Variants in SHROOM3 observed in about 807,000 individuals in gnomAD.
SHROOM3 encodes protein Shroom3.
In SHROOM3, 47 loss-of-function variants were observed where a neutral mutation model predicts 138.6. The observed-to-expected ratio is 0.34, with a 90% confidence interval of 0.27 to 0.43. SHROOM3 has a LOEUF of 0.43. Ranked by LOEUF, SHROOM3 falls within the 20% of genes least tolerant of loss-of-function variation. SHROOM3 has a pLI of 1.00. For missense variants in SHROOM3, 2,491 were observed against 2,596.5 expected (o/e 0.96, Z 0.88); for synonymous variants, 1,062 against 1,063.3 (o/e 1.00, Z 0.02).
chr4:76,544,864 G>A (rs745329660), intron 1 of SHROOM3, among the ~76,000 whole-genome samples: 2 of 152,142 alleles, frequency 1.3e-5, no homozygotes, highest in Admixed American at 6.5e-5. Flanking sequence ...CTGTTAGAGC[G>A]GGGCCTTCTT....
At chr4:76,523,284 C>T (rs539520797) in intron 1 of SHROOM3, among the ~76,000 whole-genome samples, 7 of 152,234 alleles carry the variant, frequency 4.6e-5, no homozygotes, top group Admixed American at 2.0e-4. Context: ...AAGGCCCATC[C>T]GAGTTCTATG....
chr4:76,564,053 C>T (rs1733649955), intron 2 of SHROOM3, among the ~76,000 whole-genome samples: 2 of 152,156 alleles, frequency 1.3e-5, no homozygotes, highest in South Asian at 4.1e-4. Flanking sequence ...TGAAATGTTA[C>T]CTCTCACCTC....
chr4:76,553,697 C>G (rs1284247994), intron 1 of SHROOM3, among the ~76,000 whole-genome samples: 1 of 151,940 alleles, frequency 6.6e-6, no homozygotes, highest in Middle Eastern at 3.2e-3. Flanking sequence ...CACCACATTG[C>G]GCAGGGTGGT....
chr4:76,539,642 T>C (rs1294376309), intron 1 of SHROOM3, among the ~76,000 whole-genome samples: 4 of 152,220 alleles, frequency 2.6e-5, no homozygotes, highest in African/African-American at 7.2e-5. Context: ...ATAGGTATTA[T>C]TAACTTTATC....
intron 1 of SHROOM3, among the ~76,000 whole-genome samples, chr4:76,552,203 A>G (rs900417607): frequency 6.0e-5 from 9 of 150,134 alleles, no homozygotes; most frequent in Non-Finnish European, 1.2e-4. Context: ...GCTATTTTAT[A>G]TATATTAAAA....
intron 3 of SHROOM3, among the ~76,000 whole-genome samples, chr4:76,724,879 A>G (rs537496564): frequency 3.9e-5 from 6 of 152,322 alleles, no homozygotes; most frequent in Admixed American, 1.3e-4. Context: ...TATTTTAAAA[A>G]TCATTTGCTA....
rs199937533 is a variant in SHROOM3 at position 76,779,137 on chromosome 4, C to T, written c.5951C>T (p.Thr1984Ile). Residue 1984 changes from threonine to isoleucine, a missense_variant, in exon 11 of 11, where the codon ACT (threonine) becomes ATT (isoleucine). Physicochemically the swap from Thr to Ile is moderately conservative, Grantham distance 89 (BLOSUM62 -1). Transcript: ENST00000296043. ...GAGCCCATTCCTGCTGGGGGCTGTA[C>T]TTTCAGTGGTATTTTCCCAACATTA... ...TSEPIPAGGC[T>I]FSGIFPTLTS... is the part of the protein sequence containing the mutation. The T allele has an allele frequency of 2.4e-5, 39 of 1,613,632 alleles. No individual in the cohort carries two copies. The highest frequency in any genetic ancestry group is 3.1e-5 in the Non-Finnish European group (36 of 1,179,746).
intron 1 of SHROOM3, among the ~76,000 whole-genome samples, chr4:76,456,035 T>C (rs1160704841): frequency 1.3e-5 from 2 of 152,090 alleles, no homozygotes; most frequent in Non-Finnish European, 2.9e-5. Context: ...TGAGACAGAG[T>C]CTCACTCTGT....
rs1722682742 is a variant in SHROOM3 at position 76,779,682 on chromosome 4, A to G, written c.*505A>G. ...ATTTTTTAAAATGGAAAAGATCACT[A>G]TGTTTGTTGTGCTAACCACTTATTT... is the stretch of plus-strand genomic sequence containing the variant. On this transcript the variant is annotated 3_prime_UTR_variant, in exon 11 of 11. Coordinates refer to ENST00000296043, the MANE Select transcript of SHROOM3 (RefSeq NM_020859.4). 1 of 155,634 alleles carries G rather than the reference A, an allele frequency of 6.4e-6. No homozygotes were observed. Among genetic ancestry groups the G allele is most frequent in the African/African-American group, 2.4e-5 (1 of 41,464 alleles). The allele number at this position is 155,634 out of a possible 1,614,324, so 9.6% of individuals were successfully genotyped here. A position where few individuals can be genotyped will look rare whatever the true frequency, so the allele number is the denominator to read the frequency against.
intron 1 of SHROOM3, among the ~76,000 whole-genome samples, chr4:76,526,601 G>T (rs1732695184): frequency 6.6e-6 from 1 of 152,108 alleles, no homozygotes; most frequent in South Asian, 2.1e-4. Context: ...GGAAGTCTTG[G>T]GTACACTGTA....
rs17001979 is a variant in SHROOM3 at position 76,449,754 on chromosome 4, G to T, written c.168+13534G>T. 7.3e-3 allele frequency among the ~76,000 whole-genome samples: 1,111 copies of T among 152,262 alleles called. 10 individuals are homozygous for T. Among genetic ancestry groups the T allele is most frequent in the African/African-American group, 0.025 (1,053 of 41,552 alleles). ...ATATAATTCATGTTGTCAGTTATATGAAATTGGCAGTTAAAGAGAAACTAA... is the reference window on the plus strand; with the variant it reads ...ATATAATTCATGTTGTCAGTTATATTAAATTGGCAGTTAAAGAGAAACTAA... On this transcript the variant is annotated intron_variant, in intron 1 of 10. Coordinates refer to ENST00000296043, the MANE Select transcript of SHROOM3 (RefSeq NM_020859.4).
At chr4:76,526,708 G>A (rs956615018) in intron 1 of SHROOM3, among the ~76,000 whole-genome samples, 1 of 152,182 alleles carries the variant, frequency 6.6e-6, no homozygotes, top group African/African-American at 2.4e-5. Context: ...ACTTTGATAA[G>A]TGTCCTGTCC....
rs763056975 is a variant in SHROOM3 at position 76,749,042 on chromosome 4, G to T, written c.3779G>T (p.Gly1260Val). Residue 1260 changes from glycine (G) to valine (V), a missense_variant, in exon 6 of 11, where the codon GGC becomes GTC. Around this residue, in one of 4 missense-constraint regions of SHROOM3, gnomAD observed 1,733 missense variants for 1,661.6 expected, o/e 1.04. Coordinates refer to ENST00000296043, the MANE Select transcript of SHROOM3 (RefSeq NM_020859.4). Reference protein sequence around the residue: ...RQDVLLGQDSGFGLVKDPCYL... With the variant: ...RQDVLLGQDSVFGLVKDPCYL... ...GATGTGCTTTTGGGGCAAGACAGTG[G>T]CTTTGGTCTTGTGAAGGATCCATGT... The T allele has an allele frequency of 5.6e-6, 9 of 1,613,862 alleles. No homozygotes were observed. The highest frequency in any genetic ancestry group is 1.6e-4 in the Middle Eastern group (1 of 6,084).
At position 76,553,461 on chromosome 4, in the gene SHROOM3, A is replaced by G. The variant is rs562448880; in HGVS notation, c.169-2148A>G. Among the ~76,000 whole-genome samples the G allele has an allele frequency of 1.2e-4, 18 of 151,928 alleles. No individual in the cohort carries two copies. The South Asian group carries it at 3.7e-3, about 32-fold the overall frequency. ...CAGCTAATTTTTGTGTTTTTAGTAG[A>G]GACGGGGTTTCACCATGTTGGCCAG... On this transcript the variant is annotated intron_variant, in intron 1 of 10. Transcript: ENST00000296043.
At chr4:76,721,181 G>C (rs1720539989) in intron 3 of SHROOM3, among the ~76,000 whole-genome samples, 1 of 150,700 alleles carries the variant, frequency 6.6e-6, no homozygotes, top group Admixed American at 6.6e-5. Context: ...CGTAGTGGCG[G>C]GCGCCTGTAG....
chr4:76,489,971 G>A (rs2109992799), intron 1 of SHROOM3, among the ~76,000 whole-genome samples: 1 of 152,328 alleles, frequency 6.6e-6, no homozygotes, highest in East Asian at 1.9e-4. Flanking sequence ...GGGGCGGGCT[G>A]AGCAGCAGCT....
intron 2 of SHROOM3, among the ~76,000 whole-genome samples, chr4:76,575,801 GA>G (rs1733925016): frequency 6.6e-6 from 1 of 152,074 alleles, no homozygotes; most frequent in African/African-American, 2.4e-5. Flanking sequence ...ACAAAAAATG[GA>G]AAGATATTCC....
chr4:76,770,512 G>T, intron 9 of SHROOM3, 114 bp from the exon 10 acceptor site: 1 of 1,245,250 alleles, frequency 8.0e-7, no homozygotes, highest in Non-Finnish European at 1.1e-6. Flanking sequence ...ATAGAGAAGG[G>T]GGAGGATATT....
intron 2 of SHROOM3, among the ~76,000 whole-genome samples, chr4:76,557,437 G>C (rs1402180358): frequency 1.3e-5 from 2 of 152,202 alleles, no homozygotes. Context: ...ACAGAGAGTA[G>C]AATGGTGTTT....
Sources: gnomAD v4.1 joint callset for allele counts (sites outside exome capture counted in the v4.1 genomes callset) on GRCh38, gnomAD v4.1.1 for gene constraint, gnomAD v4.1.1 regional missense constraint, MANE v1.5 for transcripts, NCBI Gene and HGNC (gene_info 2026-07-23, HGNC 2026-07-21) for gene names.